ZRANB2: variants seen among roughly 807,000 people sequenced by gnomAD.
ZRANB2 encodes the protein zinc finger Ran-binding domain-containing protein 2.
Under a neutral mutation model 53.4 loss-of-function variants are expected in ZRANB2, and 19 were observed. The ratio of observed to expected loss-of-function variants is 0.36; its 90% confidence interval spans 0.25 to 0.52. The LOEUF (loss-of-function observed/expected upper bound fraction) is 0.52, where lower values mean the gene tolerates loss of function less well. Among genes scored for constraint, ZRANB2 ranks in the 20% least tolerant of loss-of-function variants. The pLI is 0.93. For missense variants in ZRANB2, 309 were observed against 401.1 expected (o/e 0.77, Z 1.96); for synonymous variants, 145 against 134.8 (o/e 1.08, Z -0.52).
chr1:71,067,562 G>A, intron 8 of ZRANB2: 1 of 379,818 alleles, frequency 2.6e-6, no homozygotes, highest in Non-Finnish European at 5.2e-6. Flanking sequence ...GCTTCAGGTA[G>A]AAGTAAATGT....
At chr1:71,066,616 C>T (rs920719654) in intron 9 of ZRANB2, 160 bp downstream of exon 9, 2 of 604,694 alleles carry the variant, frequency 3.3e-6, no homozygotes, top group Non-Finnish European at 5.4e-6. Flanking sequence ...GATCAAAGTA[C>T]AAAGGATAAG....
chr1:71,072,776 GCCCT>G (rs1661622495), intron 4 of ZRANB2, among the ~76,000 whole-genome samples: 4 of 151,994 alleles, frequency 2.6e-5, no homozygotes, highest in African/African-American at 9.7e-5. Flanking sequence ...ATTCCAAATT[GCCCT>G]ACATGACTTA....
Position 71,064,450 on chromosome 1 carries a change from C to T in ZRANB2, c.*624G>A, listed in dbSNP as rs1661375200. 6.6e-6 allele frequency: 1 copy of T among 152,352 alleles called. No homozygotes were observed. The allele number at this position is 152,352 out of a possible 1,614,324, so 9.4% of individuals were successfully genotyped here. A position where few individuals can be genotyped will look rare whatever the true frequency, so the allele number is the denominator to read the frequency against. On this transcript the variant is annotated 3_prime_UTR_variant, in exon 10 of 10. Coordinates refer to ENST00000370920, the MANE Select transcript of ZRANB2 (RefSeq NM_203350.3). The stretch of plus-strand genomic sequence containing the variant: ...TTATGTGTCAGAAAGGAAAATATAT[C>T]CCACTTCTCTCCTTGTAGACATCAC...
intron 4 of ZRANB2, among the ~76,000 whole-genome samples, chr1:71,075,691 G>A (rs1256462040): frequency 6.6e-6 from 1 of 151,996 alleles, no homozygotes; most frequent in Non-Finnish European, 1.5e-5. Flanking sequence ...GGTGGGGGCG[G>A]TGAAGGAGGT....
At chr1:71,079,607 A>G (rs1217571816) in intron 1 of ZRANB2, among the ~76,000 whole-genome samples, 1 of 152,228 alleles carries the variant, frequency 6.6e-6, no homozygotes, top group Non-Finnish European at 1.5e-5. Flanking sequence ...AGCATGGAAA[A>G]TATACTCTGA....
chr1:71,079,081 G>A (rs1444995188), intron 1 of ZRANB2, among the ~76,000 whole-genome samples: 4 of 151,916 alleles, frequency 2.6e-5, no homozygotes, highest in Admixed American at 1.3e-4. Context: ...AAACCCTAGC[G>A]GTGGACCAAT....
At chr1:71,067,661 G>T in intron 8 of ZRANB2, 1 of 438,328 alleles carries the variant, frequency 2.3e-6, no homozygotes, top group South Asian at 1.7e-5. Context: ...TTCACCTTTG[G>T]GCTTAAAATA....
chr1:71,075,082 G>A (rs934904303), intron 4 of ZRANB2, among the ~76,000 whole-genome samples: 3 of 152,066 alleles, frequency 2.0e-5, no homozygotes, highest in Non-Finnish European at 4.4e-5. Context: ...TCAGGAAATA[G>A]GTCAAAGTTT....
chr1:71,069,145 T>C, intron 8 of ZRANB2, 131 bp downstream of exon 8: 1 of 633,742 alleles, frequency 1.6e-6, no homozygotes, highest in South Asian at 2.3e-5. Flanking sequence ...CTGAGGCAAG[T>C]GCATTAGTTT....
At position 71,072,219 on chromosome 1, in the gene ZRANB2, C is replaced by T; in HGVS notation, c.415G>A (p.Val139Ile). The T allele has an allele frequency of 1.2e-6, 2 of 1,611,136 alleles. No individual in the cohort carries two copies. The highest frequency in any genetic ancestry group is 1.7e-6 in the Non-Finnish European group (2 of 1,179,026). Residue 139 changes from valine to isoleucine, a missense_variant, in exon 6 of 10, where the codon GTT (valine) becomes ATT (isoleucine). By Grantham distance (29) the Val-to-Ile change is conservative. Transcript: ENST00000370920. The stretch of plus-strand genomic sequence containing the variant: ...TCCTTTAATATAGATGCAGGACCAA[C>T]TGCTTTCCCTCTGTATTTTTTCTTT... ...RKKKKYRGKA[V>I]GPASILKEVE...
chr1:71,069,420 A>G, intron 7 of ZRANB2, 58 bp from the exon 8 acceptor site: 1 of 1,281,476 alleles, frequency 7.8e-7, no homozygotes, highest in Non-Finnish European at 1.1e-6. Flanking sequence ...GCTTTGTGAT[A>G]TGAACACTGA....
intron 5 of ZRANB2, 71 bp from the exon 6 acceptor site, chr1:71,072,326 T>C: frequency 2.0e-6 from 3 of 1,463,666 alleles, no homozygotes; most frequent in Non-Finnish European, 1.8e-6. Flanking sequence ...TCTAAAAAAT[T>C]ATTTTAGATA....
intron 5 of ZRANB2, 87 bp from the exon 6 acceptor site, chr1:71,072,342 G>T: frequency 1.4e-6 from 2 of 1,455,870 alleles, no homozygotes; most frequent in Non-Finnish European, 9.3e-7. Context: ...AGATATTTAT[G>T]ATTTCCTGAA....
At chr1:71,068,057 G>T (rs923290608) in intron 8 of ZRANB2, among the ~76,000 whole-genome samples, 9 of 151,976 alleles carry the variant, frequency 5.9e-5, no homozygotes, top group African/African-American at 2.2e-4. Context: ...AGTAGACGAG[G>T]TCTCACTATA....
Position 71,069,351 on chromosome 1 carries a change from C to A in ZRANB2, c.695G>T (p.Arg232Ile). 6.2e-7 allele frequency: 1 copy of A among 1,612,982 alleles called. No homozygotes were observed. Among genetic ancestry groups the A allele is most frequent in the Non-Finnish European group, 8.5e-7 (1 of 1,179,426 alleles). Reference protein sequence around the residue: ...SSRSRSRSRSRSSSSSQSRSR... With the variant: ...SSRSRSRSRSISSSSSQSRSR... Reference sequence around the variant, plus strand: ...TCTTGACTGCGAACTGGAAGAACTTCTTGAACGGGACCTGGAACAACATGG... The same window carrying A: ...TCTTGACTGCGAACTGGAAGAACTTATTGAACGGGACCTGGAACAACATGG... The change falls in exon 8 of 10, where the codon AGA (arginine) becomes ATA (isoleucine). Residue 232 changes from arginine to isoleucine, a missense_variant. Physicochemically the swap from Arg to Ile is moderately conservative, Grantham distance 97 (BLOSUM62 -3). Around this residue, in one of 3 missense-constraint regions of ZRANB2, gnomAD observed 211 missense variants for 196.1 expected, o/e 1.08. Coordinates refer to ENST00000370920, the MANE Select transcript of ZRANB2 (RefSeq NM_203350.3).
chr1:71,077,673 G>T (rs1163739106), intron 3 of ZRANB2, among the ~76,000 whole-genome samples: 1 of 152,088 alleles, frequency 6.6e-6, no homozygotes, highest in African/African-American at 2.4e-5. Flanking sequence ...GGGCAACATG[G>T]TAAAACCCTG....
Position 71,069,286 on chromosome 1 carries a change from AC to A in ZRANB2, c.759del (p.Ser254ArgfsTer85). ...TGCTACCTCATTCACCTTGATTTCG[AC>A]CCACGAGATCTCGAACGTTCTCTGG... ...SSSRERSRSRGSKSRSSSRSH... is the reference protein window; with the variant it reads ...SSSRERSRSRXSKSRSSSRSH... On this transcript the variant is annotated frameshift_variant, in exon 8 of 10. Transcript: ENST00000370920. LOFTEE classifies it high-confidence loss of function. The A allele has an allele frequency of 6.2e-7, 1 of 1,611,726 alleles. No homozygotes were observed. The highest frequency in any genetic ancestry group is 8.5e-7 in the Non-Finnish European group (1 of 1,178,646).
intron 4 of ZRANB2, among the ~76,000 whole-genome samples, chr1:71,075,770 C>T (rs750689108): frequency 3.1e-4 from 47 of 151,864 alleles, no homozygotes; most frequent in Non-Finnish European, 5.2e-4. Flanking sequence ...CTTACCCAAT[C>T]GGTGGAAAGG....
intron 1 of ZRANB2, among the ~76,000 whole-genome samples, chr1:71,079,688 G>T (rs765606306): frequency 2.6e-5 from 4 of 152,106 alleles, no homozygotes; most frequent in Non-Finnish European, 4.4e-5. Flanking sequence ...GAGTTGAAAT[G>T]AACTCTCATT....
Sources: allele counts gnomAD v4.1 joint callset (sites outside exome capture counted in the v4.1 genomes callset), GRCh38; gene constraint gnomAD v4.1.1; regional missense constraint gnomAD v4.1.1; transcripts MANE v1.5; gene names NCBI Gene and HGNC (gene_info 2026-07-23, HGNC 2026-07-21).